MYL2: variants seen among roughly 807,000 people sequenced by gnomAD.
The protein encoded by MYL2 is myosin light chain 2, also known as myosin regulatory light chain 2, ventricular/cardiac muscle isoform.
Under a neutral mutation model 23.0 loss-of-function variants are expected in MYL2, and 19 were observed. The observed-to-expected ratio is 0.83, with a 90% CI of 0.58 to 1.21. The LOEUF (loss-of-function observed/expected upper bound fraction) is 1.21, where lower values mean the gene tolerates loss of function less well. Among genes scored for constraint, MYL2 ranks in the 50% most tolerant of loss-of-function variants. The pLI is 0.00. For missense variants in MYL2, 180 were observed against 215.1 expected (o/e 0.84, Z 1.02); for synonymous variants, 78 against 76.2 (o/e 1.02, Z -0.13).
At chr12:110,919,436 G>A (rs1222857424) in intron 1 of MYL2, among the ~76,000 whole-genome samples, 1 of 152,182 alleles carries the variant, frequency 6.6e-6, no homozygotes, top group Non-Finnish European at 1.5e-5. Flanking sequence ...ATCTTGCAGT[G>A]GCTCCTTCAC....
intron 2 of MYL2, among the ~76,000 whole-genome samples, chr12:110,916,819 C>T (rs61943010): frequency 0.085 from 12,986 of 152,088 alleles, 650 homozygotes; most frequent in East Asian, 0.21. Context: ...TTATGGTATG[C>T]AAATTATAAC....
intron 4 of MYL2, among the ~76,000 whole-genome samples, chr12:110,913,725 G>A (rs554190472): frequency 1.2e-4 from 19 of 152,250 alleles, no homozygotes; most frequent in African/African-American, 4.3e-4. Context: ...GTTAAGTCTT[G>A]GAGCAATGTT....
chr12:110,921,190 T>C (rs530147226), upstream of MYL2, among the ~76,000 whole-genome samples: 8 of 152,112 alleles, frequency 5.3e-5, 1 homozygote, highest in South Asian at 1.2e-3. Flanking sequence ...GAGATGCCTG[T>C]CTCTACGCAA....
intron 1 of MYL2, among the ~76,000 whole-genome samples, chr12:110,919,514 T>C (rs1002829482): frequency 6.6e-6 from 1 of 152,170 alleles, no homozygotes; most frequent in African/African-American, 2.4e-5. Context: ...CCCTGCAGGA[T>C]CCAGCCACTT....
intron 2 of MYL2, among the ~76,000 whole-genome samples, chr12:110,916,020 T>C (rs1442478470): frequency 3.9e-5 from 6 of 152,266 alleles, no homozygotes; most frequent in Middle Eastern, 3.4e-3. Flanking sequence ...CCCAAGAGAA[T>C]TGAAAACATG....
chr12:110,920,582 C>T, upstream of MYL2: 2 of 1,613,948 alleles, frequency 1.2e-6, no homozygotes, highest in Non-Finnish European at 1.7e-6. Flanking sequence ...CTCCGCCCAG[C>T]TCTCTGCAGC....
chr12:110,920,988 T>C (rs2071721359), upstream of MYL2, among the ~76,000 whole-genome samples: 1 of 152,230 alleles, frequency 6.6e-6, no homozygotes, highest in Non-Finnish European at 1.5e-5. Flanking sequence ...ATCGCACGGC[T>C]CCTTCCTTCA....
upstream of MYL2, chr12:110,920,668 G>T: frequency 3.9e-6 from 5 of 1,279,890 alleles, no homozygotes; most frequent in Non-Finnish European, 4.5e-6. Flanking sequence ...AGGTGAGGCG[G>T]GCACCACCTA....
intron 4 of MYL2, 95 bp from the exon 5 acceptor site, chr12:110,913,419 G>T: frequency 7.8e-7 from 1 of 1,274,142 alleles, no homozygotes; most frequent in Non-Finnish European, 1.1e-6. Context: ...AGATGAAGGG[G>T]CCAGAGCAAG....
chr12:110,920,521 AC>A lies in MYL2; in HGVS notation c.3+5del. The stretch of plus-strand genomic sequence containing the variant: ...CATCATCACCTCCTGGAGCCCTTGT[AC>A]TCACCATGGTGGAAAGGACCCAGCA... On this transcript the variant is annotated splice_donor_5th_base_variant and intron_variant, in intron 1 of 6. Transcript: ENST00000228841. The A allele has an allele frequency of 6.2e-7, 1 of 1,614,084 alleles. No homozygotes were observed. The highest frequency in any genetic ancestry group is 8.5e-7 in the Non-Finnish European group (1 of 1,180,028).
In MYL2 at chr12:110,913,067, T is replaced by C. The variant is rs751875666; in HGVS notation, c.402+29A>G. On this transcript the variant is annotated intron_variant, in intron 6 of 6. Coordinates refer to ENST00000228841, the MANE Select transcript of MYL2 (RefSeq NM_000432.4). ...CAGAAGGAGAACCCAGGAGCTGGGT[T>C]AGAGGGAGTGCTTGAAGGACCCCAT... 7 of 1,613,826 alleles carry C rather than the reference T, an allele frequency of 4.3e-6. No individual in the cohort carries two copies. The South Asian group carries it at 7.7e-5, about 18-fold the overall frequency.
intron 1 of MYL2, among the ~76,000 whole-genome samples, chr12:110,919,887 C>A (rs910084018): frequency 4.6e-5 from 7 of 152,186 alleles, no homozygotes; most frequent in Non-Finnish European, 7.3e-5. Context: ...TTATTATCAT[C>A]CCCATTTTAC....
At chr12:110,912,158 G>A (rs2071656873) in intron 6 of MYL2, among the ~76,000 whole-genome samples, 1 of 152,134 alleles carries the variant, frequency 6.6e-6, no homozygotes, top group Non-Finnish European at 1.5e-5. Flanking sequence ...AGGCCTGTGA[G>A]GCTATGAGGG....
In MYL2 at chr12:110,919,166, C is replaced by A. The variant is rs397516402; in HGVS notation, c.31G>T (p.Gly11Trp). 6 of 1,613,706 alleles carry A rather than the reference C, an allele frequency of 3.7e-6. No individual in the cohort carries two copies. Among genetic ancestry groups the A allele is most frequent in the Non-Finnish European group, 5.1e-6 (6 of 1,180,016 alleles). ...GAGAACACGTTGGAGTTGGCGCCCC[C>A]GGCTCTCTTCTTTGCTTTCTTAGGT... MAPKKAKKRA[G>W]GANSNVFSMF... Residue 11 changes from glycine (G) to tryptophan (W), a missense_variant, in exon 2 of 7, where the codon GGG becomes TGG. By Grantham distance (184) the Gly-to-Trp change is radical (BLOSUM62 -2). Transcript: ENST00000228841.
chr12:110,918,600 G>A lies in MYL2; in HGVS notation c.93+504C>T, dbSNP rs948359125. ...AGAAATAACCAGAGATACAAGCAAA[G>A]AGGTGTTATTTATAGTAGTAAAACA... On this transcript the variant is annotated intron_variant, in intron 2 of 6. Transcript: ENST00000228841. This position sits in a 1 kb window ranked among gnomAD's most constrained non-coding sequence, Gnocchi z 4.4. 6.6e-6 allele frequency among the ~76,000 whole-genome samples: 1 copy of A among 152,078 alleles called. No homozygotes were observed. The highest frequency in any genetic ancestry group is 2.4e-5 in the African/African-American group (1 of 41,400).
At chr12:110,914,165 C>CAA in intron 4 of MYL2, 21 bp downstream of exon 4, 1 of 1,548,516 alleles carries the variant, frequency 6.5e-7, no homozygotes, top group East Asian at 2.2e-5. Context: ...CACAGACACA[C>CAA]ACACACACAC....
chr12:110,912,447 G>A (rs1008424438), intron 6 of MYL2, among the ~76,000 whole-genome samples: 1 of 152,232 alleles, frequency 6.6e-6, no homozygotes, highest in African/African-American at 2.4e-5. Flanking sequence ...GGCCCTTCAC[G>A]CCATAATAAT....
chr12:110,918,307 G>C lies in MYL2; in HGVS notation c.93+797C>G, dbSNP rs1488166727. On this transcript the variant is annotated intron_variant, in intron 2 of 6. Coordinates refer to ENST00000228841, the MANE Select transcript of MYL2 (RefSeq NM_000432.4). This position sits in a 1 kb window ranked among gnomAD's most constrained non-coding sequence, Gnocchi z 4.4. ...CAAATGCGATGGGGTTTCAAATGGG[G>C]CTAGTGGTTAATAATCAAAGACTGT... Among the ~76,000 whole-genome samples the C allele has an allele frequency of 1.3e-5, 2 of 152,128 alleles. No homozygotes were observed. The highest frequency in any genetic ancestry group is 4.8e-5 in the African/African-American group (2 of 41,418).
rs1566147382 is a variant in MYL2, at chr12:110,911,111, A to G, written c.467T>C (p.Val156Ala). ...CTCTTCTCCGTGGGTGATGATGTGCACCAGGTTCTTGTAGTCCAAGTTGCC... is the reference window on the plus strand; with the variant it reads ...CTCTTCTCCGTGGGTGATGATGTGCGCCAGGTTCTTGTAGTCCAAGTTGCC... ...VTGNLDYKNLVHIITHGEEKD is the reference protein window; with the variant it reads ...VTGNLDYKNLAHIITHGEEKD Residue 156 changes from valine (V) to alanine (A), a missense_variant, in exon 7 of 7, where the codon GTG becomes GCG. Transcript: ENST00000228841. 1 of 1,613,958 alleles carries G rather than the reference A, an allele frequency of 6.2e-7. No individual in the cohort carries two copies. The highest frequency in any genetic ancestry group is 8.5e-7 in the Non-Finnish European group (1 of 1,179,966).
Sources: allele counts gnomAD v4.1 joint callset (sites outside exome capture counted in the v4.1 genomes callset), GRCh38; gene constraint gnomAD v4.1.1; non-coding constraint Gnocchi (gnomAD v3.1); transcripts MANE v1.5; gene names NCBI Gene and HGNC (gene_info 2026-07-23, HGNC 2026-07-21).